The following PTPRD variants were observed in gnomAD, a reference collection of about 807,000 sequenced individuals.
PTPRD encodes protein tyrosine phosphatase receptor type D.
In PTPRD, 34 loss-of-function variants were observed where a neutral mutation model predicts 214.5. That is an observed-to-expected ratio of 0.16 (90% CI 0.12 to 0.21). The LOEUF (loss-of-function observed/expected upper bound fraction) is 0.21, where lower values mean the gene tolerates loss of function less well. PTPRD is among the 10% of genes least tolerant of loss of function. The pLI is 1.00. For missense variants in PTPRD, 2,545 were observed against 2,398.7 expected, an observed-to-expected ratio of 1.06 and a Z score of -1.27; for synonymous variants, 1,128 against 845.7, an observed-to-expected ratio of 1.33 and a Z score of -5.79.
chr9:9,771,513 C>A (rs1166324750), intron 5 of PTPRD, among the ~76,000 whole-genome samples: 1 of 152,154 alleles, frequency 6.6e-6, no homozygotes, highest in East Asian at 1.9e-4. Context: ...TCAGTTGTAT[C>A]ATTGTTTCCC....
chr9:9,836,249 G>A lies in PTPRD; in HGVS notation c.-367-69398C>T, dbSNP rs560902828. ...GAATGTGAGCATATGAGTGCTCCATGTACAAGTTAACTTAAGGCTTATTTG... is the reference window on the plus strand; with the variant it reads ...GAATGTGAGCATATGAGTGCTCCATATACAAGTTAACTTAAGGCTTATTTG... On this transcript the variant is annotated intron_variant, in intron 5 of 45. Transcript: ENST00000381196. Among the ~76,000 whole-genome samples, 11 of 152,240 alleles carry A rather than the reference G, an allele frequency of 7.2e-5. No individual in the cohort carries two copies. The South Asian group carries it at 2.3e-3, about 32-fold the overall frequency.
intron 4 of PTPRD, among the ~76,000 whole-genome samples, chr9:9,970,367 G>A (rs1025385800): frequency 1.3e-5 from 2 of 149,406 alleles, no homozygotes; most frequent in Admixed American, 6.7e-5. Context: ...GGAGAATGGC[G>A]TGAACCCGGG....
At chr9:8,815,103 AT>A (rs1181073360) in intron 11 of PTPRD, among the ~76,000 whole-genome samples, 1 of 143,114 alleles carries the variant, frequency 7.0e-6, no homozygotes, top group East Asian at 1.9e-4. Context: ...ACTTTATATA[AT>A]TTAGTTTTTT....
At chr9:9,275,036 T>A (rs1332629226) in intron 9 of PTPRD, among the ~76,000 whole-genome samples, 1 of 112,000 alleles carries the variant, frequency 8.9e-6, no homozygotes, top group Non-Finnish European at 1.7e-5. Flanking sequence ...TCAAAATCCC[T>A]TTGTTTCCAT....
chr9:9,319,279 G>A (rs2135908500), intron 9 of PTPRD, among the ~76,000 whole-genome samples: 1 of 152,236 alleles, frequency 6.6e-6, no homozygotes, highest in South Asian at 2.1e-4. Context: ...TCCAGTGTTT[G>A]GGAGTGCCTG....
intron 5 of PTPRD, among the ~76,000 whole-genome samples, chr9:9,856,222 C>G (rs2061529656): frequency 6.6e-6 from 1 of 152,074 alleles, no homozygotes. Context: ...TCCCTGACAT[C>G]CAGCCACTCT....
At chr9:8,421,100 A>G (rs1201533652) in intron 35 of PTPRD, among the ~76,000 whole-genome samples, 2 of 152,162 alleles carry the variant, frequency 1.3e-5, no homozygotes, top group Admixed American at 6.6e-5. Flanking sequence ...GTAGTAGTTA[A>G]GAGTTATAAC....
intron 32 of PTPRD, among the ~76,000 whole-genome samples, chr9:8,462,577 C>T (rs966201404): frequency 3.3e-5 from 5 of 151,998 alleles, no homozygotes; most frequent in Non-Finnish European, 5.9e-5. Flanking sequence ...CAGTGGGCTT[C>T]TTGCTACTAC....
chr9:8,683,276 A>C (rs1290212278), intron 12 of PTPRD, among the ~76,000 whole-genome samples: 2 of 152,112 alleles, frequency 1.3e-5, no homozygotes, highest in African/African-American at 4.8e-5. Context: ...TGAAAGCAAA[A>C]TTTATGAAAA....
intron 2 of PTPRD, among the ~76,000 whole-genome samples, chr9:10,584,409 A>G (rs2132553202): frequency 6.6e-6 from 1 of 152,270 alleles, no homozygotes; most frequent in Admixed American, 6.5e-5. Context: ...ACAAAAAAGA[A>G]TTTGCAGTAG....
chr9:10,499,171 G>T (rs1439953431), intron 2 of PTPRD, among the ~76,000 whole-genome samples: 1 of 151,874 alleles, frequency 6.6e-6, no homozygotes, highest in Non-Finnish European at 1.5e-5. Context: ...TGAACTGTCT[G>T]CCCAGCTACC....
At chr9:9,200,177 A>T (rs1249896769) in intron 9 of PTPRD, among the ~76,000 whole-genome samples, 1 of 152,230 alleles carries the variant, frequency 6.6e-6, no homozygotes, top group Admixed American at 6.5e-5. Flanking sequence ...CAAACAAACA[A>T]AAACAAAACA....
intron 5 of PTPRD, among the ~76,000 whole-genome samples, chr9:9,816,396 C>T (rs2048782421): frequency 6.6e-6 from 1 of 151,940 alleles, no homozygotes; most frequent in African/African-American, 2.4e-5. Flanking sequence ...TAATAAATAG[C>T]CTTATGTTCC....
chr9:10,434,317 G>C (rs1399462302), intron 2 of PTPRD, among the ~76,000 whole-genome samples: 2 of 151,852 alleles, frequency 1.3e-5, no homozygotes, highest in Non-Finnish European at 2.9e-5. Flanking sequence ...TAGAAAGCAT[G>C]ATGCAAATGT....
chr9:10,109,012 C>A (rs185580069), intron 3 of PTPRD, among the ~76,000 whole-genome samples: 5 of 151,986 alleles, frequency 3.3e-5, no homozygotes, highest in African/African-American at 1.2e-4. Flanking sequence ...ATCATTTGCA[C>A]GTTCACACTT....
chr9:8,746,919 G>C (rs1454567545), intron 11 of PTPRD, among the ~76,000 whole-genome samples: 1 of 152,172 alleles, frequency 6.6e-6, no homozygotes, highest in Non-Finnish European at 1.5e-5. Context: ...TAGAGGAGTA[G>C]TCATTCTAAA....
rs113504847 is a variant in PTPRD at position 10,465,252 on chromosome 9, A to G, written c.-599-124235T>C. On this transcript the variant is annotated intron_variant, in intron 2 of 45. Transcript: ENST00000381196. ...ACATTTGTTTGCTTATAACAACAGC[A>G]TATGTACATGACATGTAAAACCTTT... Among the ~76,000 whole-genome samples the G allele has an allele frequency of 1.7e-3, 257 of 152,336 alleles. 1 individual carries two copies. The highest frequency in any genetic ancestry group is 5.8e-3 in the African/African-American group (240 of 41,576).
At chr9:8,628,698 C>G (rs1261644139) in intron 14 of PTPRD, among the ~76,000 whole-genome samples, 1 of 151,616 alleles carries the variant, frequency 6.6e-6, no homozygotes, top group Admixed American at 6.6e-5. Flanking sequence ...AGAGCTAAAG[C>G]TGGAATTCAA....
At chr9:9,106,257 G>A (rs191717091) in intron 10 of PTPRD, among the ~76,000 whole-genome samples, 11 of 152,160 alleles carry the variant, frequency 7.2e-5, no homozygotes, top group South Asian at 2.1e-4. Context: ...ATCTGCAGTG[G>A]AGGGAAGTAC....
Sources: gnomAD v4.1 joint callset for allele counts (sites outside exome capture counted in the v4.1 genomes callset) on GRCh38, gnomAD v4.1.1 for gene constraint, MANE v1.5 for transcripts, NCBI Gene and HGNC (gene_info 2026-07-23, HGNC 2026-07-21) for gene names.